SEMA3A: variants seen among roughly 807,000 people sequenced by gnomAD.
The protein encoded by SEMA3A is semaphorin-3A.
SEMA3A carries 29 observed loss-of-function variants against 97.9 expected under a neutral mutation model. That is an observed-to-expected ratio of 0.30 (90% CI 0.22 to 0.40). The LOEUF (loss-of-function observed/expected upper bound fraction) is 0.40, where lower values mean the gene tolerates loss of function less well. SEMA3A is among the 10% of genes least tolerant of loss of function. The pLI, the probability that SEMA3A is intolerant of heterozygous loss-of-function variation, is 1.00. For missense variants in SEMA3A, 763 were observed against 951.3 expected (o/e 0.80, Z 2.60); for synonymous variants, 321 against 323.7 (o/e 0.99, Z 0.09).
In SEMA3A at chr7:83,981,381, C is replaced by T. The variant is rs374162228; in HGVS notation, c.1592G>A (p.Arg531Gln). The T allele has an allele frequency of 2.5e-6, 4 of 1,613,856 alleles. No individual in the cohort carries two copies. The highest frequency in any genetic ancestry group is 1.7e-5 in the Admixed American group (1 of 59,992). Residue 531 changes from arginine to glutamine, a missense_variant, in exon 14 of 17, where the codon CGA (arginine) becomes CAA (glutamine). Coordinates refer to ENST00000265362, the MANE Select transcript of SEMA3A (RefSeq NM_006080.3). ...GKACAECCLA[R>Q]DPYCAWDGSA... ...ACCATCCCAAGCACAGTAAGGGTCTCGGGCGAGGCAACACTCAGCACACGC... is the reference window on the plus strand; with the variant it reads ...ACCATCCCAAGCACAGTAAGGGTCTTGGGCGAGGCAACACTCAGCACACGC...
chr7:83,992,215 C>G (rs1317809031), intron 12 of SEMA3A, among the ~76,000 whole-genome samples: 1 of 150,766 alleles, frequency 6.6e-6, no homozygotes, highest in African/African-American at 2.5e-5. Flanking sequence ...CTCTTTTTTT[C>G]TTTATTAGTC....
intron 1 of SEMA3A, among the ~76,000 whole-genome samples, chr7:84,426,787 T>G (rs2116308069): frequency 6.6e-6 from 1 of 152,304 alleles, no homozygotes; most frequent in African/African-American, 2.4e-5. Flanking sequence ...CTTTGCAGAA[T>G]AAATATTTTA....
chr7:84,414,411 CA>C (rs1804372890), intron 1 of SEMA3A, among the ~76,000 whole-genome samples: 1 of 139,090 alleles, frequency 7.2e-6, no homozygotes, highest in Non-Finnish European at 1.6e-5. Context: ...AAAAAAAAAA[CA>C]GTATTGTTAT....
intron 2 of SEMA3A, among the ~76,000 whole-genome samples, chr7:84,307,739 C>T (rs473319): frequency 0.36 from 54,080 of 151,898 alleles, 10,692 homozygotes; most frequent in Non-Finnish European, 0.46. Flanking sequence ...AGTAAGTAAC[C>T]GGATTTCACT....
chr7:84,450,906 A>G (rs1805537909), intron 1 of SEMA3A, among the ~76,000 whole-genome samples: 1 of 152,124 alleles, frequency 6.6e-6, no homozygotes, highest in Non-Finnish European at 1.5e-5. Flanking sequence ...TTTTCATATT[A>G]ACCCCTTAGC....
chr7:84,094,431 T>G lies in SEMA3A; in HGVS notation c.453+16039A>C, dbSNP rs141276537. Among the ~76,000 whole-genome samples the G allele has an allele frequency of 2.0e-5, 3 of 152,230 alleles. No individual in the cohort carries two copies. In the East Asian group the frequency reaches 5.8e-4, roughly 29 times the overall value. On this transcript the variant is annotated intron_variant, in intron 4 of 16. Coordinates refer to ENST00000265362, the MANE Select transcript of SEMA3A (RefSeq NM_006080.3). ...TTCAATAGCGTTCTTTTTATGTTAT[T>G]ATTTTAAAGAAATTAAGGCCAATTC...
intron 3 of SEMA3A, among the ~76,000 whole-genome samples, chr7:84,277,669 C>A (rs141285462): frequency 1.4e-3 from 207 of 152,092 alleles, no homozygotes; most frequent in African/African-American, 4.6e-3. Flanking sequence ...ACAGGCTGTC[C>A]AGGAAGCAGA....
rs374051416 is a variant in SEMA3A at position 84,344,097 on chromosome 7, C to T, written c.-169+27727G>A. Reference sequence around the variant, plus strand: ...TGACTTTACAAAAAATACATTAATACTTATGCAAAATATTTATTATATCAG... The same window carrying T: ...TGACTTTACAAAAAATACATTAATATTTATGCAAAATATTTATTATATCAG... On this transcript the variant is annotated intron_variant, in intron 2 of 3. Coordinates refer to the SEMA3A transcript ENST00000424555. 2.8e-4 allele frequency among the ~76,000 whole-genome samples: 43 copies of T among 152,056 alleles called. 1 individual carries two copies. The highest frequency in any genetic ancestry group is 1.0e-3 in the African/African-American group (42 of 41,484).
chr7:84,360,973 T>C (rs1392930347), intron 2 of SEMA3A, among the ~76,000 whole-genome samples: 1 of 152,048 alleles, frequency 6.6e-6, no homozygotes, highest in African/African-American at 2.4e-5. Context: ...ATTTAAAATA[T>C]ACAGGTAAAA....
intron 9 of SEMA3A, among the ~76,000 whole-genome samples, 166 bp downstream of exon 9, chr7:84,010,856 A>C (rs1415772993): frequency 3.3e-5 from 5 of 151,254 alleles, no homozygotes; most frequent in Non-Finnish European, 7.4e-5. Context: ...TTTAGAAAAC[A>C]AACATCTACG....
chr7:84,395,628 C>G lies in SEMA3A; in HGVS notation c.-245-23728G>C, dbSNP rs922169343. On this transcript the variant is annotated intron_variant, in intron 1 of 3. Coordinates refer to the SEMA3A transcript ENST00000424555. ...AATTGAATCATGGGGGTGGTTTCCC[C>G]CATGCTCTTCTCAAGATAGTGTGTG... Among the ~76,000 whole-genome samples, 4 of 151,910 alleles carry G rather than the reference C, an allele frequency of 2.6e-5. No individual in the cohort carries two copies. In the East Asian group the frequency reaches 7.8e-4, roughly 30 times the overall value.
intron 3 of SEMA3A, among the ~76,000 whole-genome samples, chr7:84,219,288 GTCTGACAGAAGA>G (rs1281585638): frequency 1.3e-5 from 2 of 152,192 alleles, no homozygotes; most frequent in Non-Finnish European, 2.9e-5. Context: ...CTTTTCAGAT[GTCTGACAGAAGA>G]TCTTCAGAAC....
At chr7:84,453,274 C>G (rs1378130213) in intron 1 of SEMA3A, among the ~76,000 whole-genome samples, 5 of 144,892 alleles carry the variant, frequency 3.5e-5, no homozygotes, top group African/African-American at 1.3e-4. Flanking sequence ...GTCTCGCTGT[C>G]GCCCAGGCTG....
At chr7:84,474,069 CTT>C (rs1806218820) in intron 1 of SEMA3A, among the ~76,000 whole-genome samples, 1 of 152,152 alleles carries the variant, frequency 6.6e-6, no homozygotes, top group South Asian at 2.1e-4. Context: ...AATCCTAACT[CTT>C]TCAATTTTCT....
At position 84,463,338 on chromosome 7, in the gene SEMA3A, T is replaced by C. The variant is rs1805908044; in HGVS notation, c.-246+29122A>G. ...ATCTCGGCTCACTGCAACCTCCGCCTCCCGGGTTCAGGCCATTCTCCTGCC... is the reference window on the plus strand; with the variant it reads ...ATCTCGGCTCACTGCAACCTCCGCCCCCCGGGTTCAGGCCATTCTCCTGCC... On this transcript the variant is annotated intron_variant, in intron 1 of 3. Coordinates refer to the SEMA3A transcript ENST00000424555. Among the ~76,000 whole-genome samples the C allele has an allele frequency of 2.2e-5, 3 of 135,914 alleles. No individual in the cohort carries two copies. In the Admixed American group the frequency reaches 2.4e-4, roughly 11 times the overall value. 89.2% of individuals were successfully genotyped at this position (135,914 alleles called of 152,430 possible). A position where few individuals can be genotyped will look rare whatever the true frequency, so the allele number is the denominator to read the frequency against.
chr7:84,311,163 T>C (rs489440), intron 2 of SEMA3A, among the ~76,000 whole-genome samples: 106,717 of 151,716 alleles, frequency 0.7, 37,720 homozygotes, highest in East Asian at 0.79. Flanking sequence ...CATACTATAT[T>C]GGGCAAGGTT....
intron 1 of SEMA3A, among the ~76,000 whole-genome samples, chr7:84,457,869 T>C (rs1235386136): frequency 6.6e-6 from 1 of 152,014 alleles, no homozygotes; most frequent in Non-Finnish European, 1.5e-5. Flanking sequence ...AAAACAAGTA[T>C]ATACATCATA....
intron 2 of SEMA3A, among the ~76,000 whole-genome samples, chr7:84,358,624 T>C (rs1292920827): frequency 6.6e-6 from 1 of 152,132 alleles, no homozygotes; most frequent in African/African-American, 2.4e-5. Context: ...ATGTGGGCTC[T>C]TTTTTGGTTC....
chr7:83,963,244 A>G lies in SEMA3A; in HGVS notation c.1821T>C (p.Tyr607=), dbSNP rs1788546424. ...CSPKSQRALV[Y]WQFQRRNEER... ...CTTCATTTCGCCTCTGGAATTGCCA[A>G]TAGACCAGCGCTCTCTGCGACTTCG... The change falls in exon 16 of 17, where the codon TAT becomes TAC. Residue 607 remains tyrosine, a synonymous_variant. Transcript: ENST00000265362. 1 of 1,613,646 alleles carries G rather than the reference A, an allele frequency of 6.2e-7. No individual in the cohort carries two copies. The highest frequency in any genetic ancestry group is 8.5e-7 in the Non-Finnish European group (1 of 1,180,000).
Sources: allele counts gnomAD v4.1 joint callset (sites outside exome capture counted in the v4.1 genomes callset), GRCh38; gene constraint gnomAD v4.1.1; transcripts MANE v1.5; gene names NCBI Gene and HGNC (gene_info 2026-07-23, HGNC 2026-07-21).